Variants in IRAK3 observed in about 807,000 individuals in gnomAD.
IRAK3 encodes the protein interleukin-1 receptor-associated kinase 3.
In IRAK3, 57 loss-of-function variants were observed where a neutral mutation model predicts 56.6. That is an observed-to-expected ratio of 1.01 (90% CI 0.81 to 1.26). The LOEUF is 1.26. Ranked by LOEUF, IRAK3 falls within the 50% of genes most tolerant of loss-of-function variation. IRAK3 has a pLI of 0.00. For synonymous variants in IRAK3, 258 were observed against 255.7 expected, an observed-to-expected ratio of 1.01 and a Z score of -0.09; for missense variants, 703 against 719.0, an observed-to-expected ratio of 0.98 and a Z score of 0.25.
intron 6 of IRAK3, among the ~76,000 whole-genome samples, chr12:66,220,529 T>TTC: frequency 7.4e-6 from 1 of 134,734 alleles, no homozygotes; most frequent in Non-Finnish European, 1.6e-5. Flanking sequence ...TTTTTTTTTT[T>TTC]TTTTTTTTTG....
intron 6 of IRAK3, among the ~76,000 whole-genome samples, chr12:66,221,417 T>G (rs558275517): frequency 2.6e-5 from 4 of 152,140 alleles, no homozygotes; most frequent in Non-Finnish European, 5.9e-5. Flanking sequence ...ATGGAAAGGG[T>G]GGGCACACTT....
At chr12:66,227,841 A>C (rs575486956) in intron 7 of IRAK3, among the ~76,000 whole-genome samples, 1 of 152,130 alleles carries the variant, frequency 6.6e-6, no homozygotes, top group South Asian at 2.1e-4. Flanking sequence ...ATTCCTCGTT[A>C]GATGTCTTTG....
chr12:66,197,599 T>C, intron 1 of IRAK3: 1 of 985,434 alleles, frequency 1.0e-6, no homozygotes, highest in Non-Finnish European at 1.2e-6. Context: ...CCGGAAGCAA[T>C]CCATGCATGC....
chr12:66,240,868 GTA>G (rs752174659), intron 8 of IRAK3, among the ~76,000 whole-genome samples: 1 of 148,736 alleles, frequency 6.7e-6, no homozygotes, highest in African/African-American at 2.5e-5. Context: ...ATATATGTGG[GTA>G]TATATATCTC....
intron 2 of IRAK3, among the ~76,000 whole-genome samples, chr12:66,206,466 T>C (rs1176092695): frequency 2.0e-5 from 3 of 152,214 alleles, no homozygotes; most frequent in Admixed American, 1.3e-4. Flanking sequence ...TTTTTTGTCA[T>C]CTATTGAAAT....
At chr12:66,190,614 G>A (rs2052390315) in intron 1 of IRAK3, among the ~76,000 whole-genome samples, 1 of 152,178 alleles carries the variant, frequency 6.6e-6, no homozygotes, top group South Asian at 2.1e-4. Flanking sequence ...AATTAGTGAG[G>A]CAGATTATTC....
intron 7 of IRAK3, 43 bp downstream of exon 7, chr12:66,226,880 A>G (rs772940783): frequency 2.5e-6 from 3 of 1,182,820 alleles, no homozygotes; most frequent in Non-Finnish European, 3.8e-6. Context: ...TGACCCCTTG[A>G]ATCCCTGGGA....
At chr12:66,238,570 G>A (rs565153549) in intron 8 of IRAK3, among the ~76,000 whole-genome samples, 143 of 152,334 alleles carry the variant, frequency 9.4e-4, no homozygotes, top group Non-Finnish European at 1.5e-3. Flanking sequence ...GGGAAATTGG[G>A]AAGGAGAGGA....
In IRAK3 at chr12:66,204,775, T is replaced by TGCGCGC. The variant is rs142792546; in HGVS notation, c.316+886_316+887insGCGCGC. Among the ~76,000 whole-genome samples the TGCGCGC allele has an allele frequency of 4.8e-3, 421 of 87,842 alleles. 4 individuals carry two copies. The highest frequency in any genetic ancestry group is 0.019 in the African/African-American group (405 of 21,798). The allele number at this position is 87,842 out of a possible 152,430, so 57.6% of individuals were successfully genotyped here. Reference sequence around the variant, plus strand: ...AATATATTTAGTGCGCATGAGCCCTTGCGCACACACACACACACACACACA... The same window carrying TGCGCGC: ...AATATATTTAGTGCGCATGAGCCCTTGCGCGCGCGCACACACACACACACACACACA... On this transcript the variant is annotated intron_variant, in intron 2 of 11. Coordinates refer to ENST00000261233, the MANE Select transcript of IRAK3 (RefSeq NM_007199.3).
chr12:66,241,437 T>C (rs1452382389), intron 8 of IRAK3, among the ~76,000 whole-genome samples: 2 of 152,208 alleles, frequency 1.3e-5, no homozygotes, highest in Non-Finnish European at 2.9e-5. Context: ...TTTGTTAGTT[T>C]ATTTTCACCC....
chr12:66,197,924 C>T, intron 1 of IRAK3: 1 of 981,530 alleles, frequency 1.0e-6, no homozygotes, highest in Non-Finnish European at 1.2e-6. Flanking sequence ...AAAAAAAAAA[C>T]AAACAGAGAA....
At chr12:66,243,883 G>A (rs2052998742) in intron 8 of IRAK3, among the ~76,000 whole-genome samples, 1 of 152,144 alleles carries the variant, frequency 6.6e-6, no homozygotes, top group Non-Finnish European at 1.5e-5. Context: ...TGATTCTTAA[G>A]GTTTTTAATG....
In IRAK3 at chr12:66,223,616, G is replaced by A. The variant is rs186677914; in HGVS notation, c.654-3107G>A. 3.1e-3 allele frequency among the ~76,000 whole-genome samples: 455 copies of A among 148,910 alleles called. 5 individuals carry two copies. Among genetic ancestry groups the A allele is most frequent in the African/African-American group, 0.011 (431 of 40,442 alleles). ...AGAGCTTGCAGTGAGCTGAGTTCAC[G>A]CCACTGCACTCCAGCCTGGGCAACA... is the stretch of plus-strand genomic sequence containing the variant. On this transcript the variant is annotated intron_variant, in intron 6 of 11. Transcript: ENST00000261233.
chr12:66,235,030 T>C (rs2052887827), intron 8 of IRAK3: 1 of 1,613,368 alleles, frequency 6.2e-7, no homozygotes, highest in African/African-American at 1.3e-5. Flanking sequence ...TTGTGGAGAC[T>C]ATTTTCCCAT....
intron 1 of IRAK3, among the ~76,000 whole-genome samples, chr12:66,192,388 C>G (rs1440702860): frequency 6.6e-6 from 1 of 152,024 alleles, no homozygotes; most frequent in Non-Finnish European, 1.5e-5. Context: ...CCCAAAAGCC[C>G]AAATGAAATA....
At chr12:66,232,357 A>G (rs565465336) in intron 8 of IRAK3, among the ~76,000 whole-genome samples, 1 of 152,232 alleles carries the variant, frequency 6.6e-6, no homozygotes, top group African/African-American at 2.4e-5. Flanking sequence ...CCTGTTCCAA[A>G]GCAAATCAGT....
Position 66,209,510 on chromosome 12 carries a change from T to C in IRAK3, c.371T>C (p.Ile124Thr), listed in dbSNP as rs2052591821. Residue 124 changes from isoleucine (I) to threonine (T), a missense_variant, in exon 3 of 12, where the codon ATA becomes ACA. Transcript: ENST00000261233. ...KSYQEGGFPN[I>T]LFKETANVTV... ...TATCAGGAAGGTGGATTTCCAAATA[T>C]ATTATTCAAGGTAGAGTATGTGTGC... 4.4e-6 allele frequency: 7 copies of C among 1,578,874 alleles called. No homozygotes were observed. In the Admixed American group the frequency reaches 5.0e-5, roughly 11 times the overall value.
Position 66,254,493 on chromosome 12 carries a change from A to T in IRAK3, c.*6322A>T, listed in dbSNP as rs1040613397. 2 of 152,114 alleles carry T rather than the reference A, an allele frequency of 1.3e-5. No individual in the cohort carries two copies. Among genetic ancestry groups the T allele is most frequent in the Non-Finnish European group, 2.9e-5 (2 of 67,960 alleles). 9.4% of individuals were successfully genotyped at this position (152,114 alleles called of 1,614,324 possible). The stretch of plus-strand genomic sequence containing the variant: ...ATAGAGAGATCTTCACCAAATGTTA[A>T]GGATTTTTTTTTCTGGGCTGTGGTA... On this transcript the variant is annotated 3_prime_UTR_variant, in exon 12 of 12. Transcript: ENST00000261233.
chr12:66,229,523 AATGAACTCC>A (rs1382700799), intron 8 of IRAK3, among the ~76,000 whole-genome samples: 2 of 152,246 alleles, frequency 1.3e-5, no homozygotes, highest in Non-Finnish European at 2.9e-5. Context: ...TTTCTGATGA[AATGAACTCC>A]ATAGGAAAAG....
Sources: gnomAD v4.1 joint callset for allele counts (sites outside exome capture counted in the v4.1 genomes callset) on GRCh38, gnomAD v4.1.1 for gene constraint, MANE v1.5 for transcripts, NCBI Gene and HGNC (gene_info 2026-07-23, HGNC 2026-07-21) for gene names.